The following DSCAM variants were observed in gnomAD, a reference collection of about 807,000 sequenced individuals.
DSCAM encodes the protein DS cell adhesion molecule.
DSCAM carries 47 observed loss-of-function variants against 217.7 expected under a neutral mutation model. That is an observed-to-expected ratio of 0.22 (90% CI 0.17 to 0.28). The LOEUF is 0.28. DSCAM is among the 10% of genes least tolerant of loss of function. The pLI, the probability that DSCAM is intolerant of heterozygous loss-of-function variation, is 1.00. For missense variants in DSCAM, 2,080 were observed against 2,618.3 expected (o/e 0.79, Z 4.49); for synonymous variants, 1,056 against 1,015.3 (o/e 1.04, Z -0.76).
intron 3 of DSCAM, among the ~76,000 whole-genome samples, chr21:40,616,396 T>C (rs1048168173): frequency 2.0e-5 from 3 of 152,152 alleles, no homozygotes; most frequent in Admixed American, 1.3e-4. Context: ...ACCAAGTCAA[T>C]AGCATGATTT....
chr21:40,602,576 T>G (rs1254998768), intron 3 of DSCAM, among the ~76,000 whole-genome samples: 1 of 152,182 alleles, frequency 6.6e-6, no homozygotes, highest in Non-Finnish European at 1.5e-5. Flanking sequence ...AAGAAATTAG[T>G]TTATTTCATC....
intron 3 of DSCAM, among the ~76,000 whole-genome samples, chr21:40,691,179 G>A (rs1336936213): frequency 2.0e-5 from 3 of 152,214 alleles, no homozygotes; most frequent in African/African-American, 7.2e-5. Context: ...TTGAGGTCAG[G>A]CATGGCCATG....
chr21:40,297,795 C>G (rs1480026757), intron 9 of DSCAM, among the ~76,000 whole-genome samples: 1 of 152,176 alleles, frequency 6.6e-6, no homozygotes, highest in African/African-American at 2.4e-5. Flanking sequence ...ATGATTTACA[C>G]ATGAAGAAGC....
intron 16 of DSCAM, among the ~76,000 whole-genome samples, chr21:40,148,583 T>A (rs1432200652): frequency 6.6e-6 from 1 of 152,050 alleles, no homozygotes; most frequent in East Asian, 1.9e-4. Context: ...TCTATTTCAA[T>A]TACAACACTA....
At chr21:40,666,595 G>C (rs376894552) in intron 3 of DSCAM, among the ~76,000 whole-genome samples, 1 of 152,200 alleles carries the variant, frequency 6.6e-6, no homozygotes, top group Admixed American at 6.5e-5. Context: ...GGCTTTCAGA[G>C]GGAAGGATTC....
intron 3 of DSCAM, among the ~76,000 whole-genome samples, chr21:40,482,700 A>G (rs1056040258): frequency 1.3e-5 from 2 of 152,316 alleles, no homozygotes; most frequent in Middle Eastern, 3.4e-3. Flanking sequence ...TAAATGTTTG[A>G]TTCTAGAATT....
intron 14 of DSCAM, among the ~76,000 whole-genome samples, chr21:40,179,591 A>G (rs1441142666): frequency 1.3e-5 from 2 of 152,244 alleles, no homozygotes; most frequent in African/African-American, 4.8e-5. Flanking sequence ...CTCCCCAAAT[A>G]GAGTGTGGTA....
At chr21:40,811,851 C>T (rs190190388) in intron 1 of DSCAM, among the ~76,000 whole-genome samples, 126 of 152,310 alleles carry the variant, frequency 8.3e-4, no homozygotes, top group Non-Finnish European at 1.3e-3. Context: ...GGGATAGGCA[C>T]CTGGGACCAC....
At chr21:40,500,477 T>C (rs1304782029) in intron 3 of DSCAM, among the ~76,000 whole-genome samples, 1 of 152,220 alleles carries the variant, frequency 6.6e-6, no homozygotes, top group East Asian at 1.9e-4. Flanking sequence ...CACTATTGAA[T>C]GTCAACTTAA....
chr21:40,660,021 A>G (rs1371761514), intron 3 of DSCAM, among the ~76,000 whole-genome samples: 1 of 152,244 alleles, frequency 6.6e-6, no homozygotes, highest in African/African-American at 2.4e-5. Flanking sequence ...GTGGTCATCT[A>G]TCAAGTGCTA....
At chr21:40,574,966 T>C (rs887867053) in intron 3 of DSCAM, among the ~76,000 whole-genome samples, 2 of 152,186 alleles carry the variant, frequency 1.3e-5, no homozygotes, top group African/African-American at 4.8e-5. Flanking sequence ...AACCATATTG[T>C]CAGGCCTCTG....
At chr21:40,459,365 C>T (rs932095769) in intron 3 of DSCAM, among the ~76,000 whole-genome samples, 2 of 152,020 alleles carry the variant, frequency 1.3e-5, no homozygotes, top group African/African-American at 4.8e-5. Flanking sequence ...AGGAAATTAC[C>T]ATTGTTTGCA....
chr21:40,483,467 A>G (rs995567378), intron 3 of DSCAM, among the ~76,000 whole-genome samples: 11 of 152,204 alleles, frequency 7.2e-5, no homozygotes, highest in Admixed American at 4.6e-4. Flanking sequence ...TTCAACAGGA[A>G]ATTACCATGG....
chr21:40,050,503 G>A (rs2088912512), intron 30 of DSCAM, among the ~76,000 whole-genome samples: 3 of 149,350 alleles, frequency 2.0e-5, no homozygotes, highest in Non-Finnish European at 4.4e-5. Context: ...TTTTTTTGGA[G>A]ACAGAGTCTC....
chr21:40,278,127 A>G (rs8129329), intron 10 of DSCAM, among the ~76,000 whole-genome samples: 49,934 of 151,942 alleles, frequency 0.33, 8,522 homozygotes, highest in South Asian at 0.38. Flanking sequence ...AAAAGAAAAT[A>G]TATTGGCAAA....
At chr21:40,489,559 G>A (rs1360254319) in intron 3 of DSCAM, among the ~76,000 whole-genome samples, 1 of 151,802 alleles carries the variant, frequency 6.6e-6, no homozygotes, top group Non-Finnish European at 1.5e-5. Flanking sequence ...CGGATCACGA[G>A]GTCAGGAGAT....
At chr21:40,844,447 A>G (rs569853313) in intron 1 of DSCAM, among the ~76,000 whole-genome samples, 27 of 152,336 alleles carry the variant, frequency 1.8e-4, no homozygotes, top group African/African-American at 6.0e-4. Context: ...GGATCAGAAT[A>G]CGTAATACAG....
chr21:40,686,258 TCCACACACACACC>T (rs929366045), intron 3 of DSCAM, among the ~76,000 whole-genome samples: 6 of 95,810 alleles, frequency 6.3e-5, no homozygotes, highest in South Asian at 3.4e-4. Context: ...CAGCACACAC[TCCACACACACACC>T]CCACACACAT....
intron 3 of DSCAM, among the ~76,000 whole-genome samples, chr21:40,664,243 T>C (rs1333033009): frequency 6.6e-6 from 1 of 152,102 alleles, no homozygotes; most frequent in African/African-American, 2.4e-5. Flanking sequence ...TGTAGGGAGA[T>C]CTGTATTGGC....
Sources: allele counts gnomAD v4.1 joint callset (sites outside exome capture counted in the v4.1 genomes callset), GRCh38; gene constraint gnomAD v4.1.1; transcripts MANE v1.5; gene names NCBI Gene and HGNC (gene_info 2026-07-23, HGNC 2026-07-21).